NOX4: variants seen among roughly 807,000 people sequenced by gnomAD.
The protein encoded by NOX4 is kidney oxidase-1.
Under a neutral mutation model 87.6 loss-of-function variants are expected in NOX4, and 69 were observed. The ratio of observed to expected loss-of-function variants is 0.79; its 90% CI spans 0.65 to 0.96. NOX4 has a LOEUF of 0.96. NOX4 is among the 40% of genes least tolerant of loss of function. The pLI is 0.00. For missense variants in NOX4, 680 were observed against 681.5 expected, an observed-to-expected ratio of 1.00 and a Z score of 0.02; for synonymous variants, 275 against 238.2, an observed-to-expected ratio of 1.15 and a Z score of -1.42.
At chr11:89,353,304 G>A (rs1937704568) in intron 13 of NOX4, among the ~76,000 whole-genome samples, 1 of 152,134 alleles carries the variant, frequency 6.6e-6, no homozygotes, top group African/African-American at 2.4e-5. Context: ...AACTGATGCA[G>A]CAAACTTCAT....
At chr11:89,488,456 T>C (rs1260302008) in intron 2 of NOX4, among the ~76,000 whole-genome samples, 2 of 152,174 alleles carry the variant, frequency 1.3e-5, no homozygotes, top group Non-Finnish European at 2.9e-5. Context: ...ATCTTAATCA[T>C]ATCTGACTTA....
chr11:89,481,966 T>G (rs1946407908), intron 2 of NOX4, among the ~76,000 whole-genome samples: 1 of 152,084 alleles, frequency 6.6e-6, no homozygotes, highest in Non-Finnish European at 1.5e-5. Flanking sequence ...TACTTCCTTT[T>G]CTGGGAGTCA....
the NOX4 span, among the ~76,000 whole-genome samples, chr11:89,544,446 C>T: frequency 6.6e-6 from 1 of 152,076 alleles, no homozygotes; most frequent in Non-Finnish European, 1.5e-5. Context: ...CAGAACTGAA[C>T]ACTGGCGAGT....
At chr11:89,513,373 C>G in the NOX4 span, among the ~76,000 whole-genome samples, 1 of 151,460 alleles carries the variant, frequency 6.6e-6, no homozygotes, top group Non-Finnish European at 1.5e-5. Context: ...TTTGTCTTAA[C>G]TCACTAGATC....
intron 12 of NOX4, among the ~76,000 whole-genome samples, chr11:89,364,545 T>A (rs1213452344): frequency 1.3e-5 from 2 of 152,004 alleles, no homozygotes; most frequent in East Asian, 1.9e-4. Flanking sequence ...CTGTCTTACA[T>A]AAGGGGAAAA....
chr11:89,434,462 T>C (rs1382358273), intron 6 of NOX4, among the ~76,000 whole-genome samples: 1 of 152,038 alleles, frequency 6.6e-6, no homozygotes, highest in East Asian at 1.9e-4. Context: ...ATTTTTCCAT[T>C]TCCTACAGTG....
chr11:89,353,834 C>T (rs934433205), intron 13 of NOX4, among the ~76,000 whole-genome samples: 2 of 152,164 alleles, frequency 1.3e-5, no homozygotes, highest in Non-Finnish European at 2.9e-5. Flanking sequence ...TCCTTTTAGG[C>T]ACATTCATGC....
intron 12 of NOX4, among the ~76,000 whole-genome samples, chr11:89,363,401 T>C (rs990751736): frequency 2.0e-5 from 3 of 152,110 alleles, no homozygotes; most frequent in Admixed American, 6.6e-5. Flanking sequence ...TAACAAACTT[T>C]TATTGAGTAC....
intron 11 of NOX4, 99 bp downstream of exon 11, chr11:89,399,918 G>C: frequency 2.7e-6 from 2 of 742,656 alleles, no homozygotes; most frequent in Non-Finnish European, 4.5e-6. Flanking sequence ...AGAGTACTAT[G>C]ATAGCCTTGA....
intron 2 of NOX4, among the ~76,000 whole-genome samples, chr11:89,478,964 C>T (rs1198045975): frequency 1.3e-5 from 2 of 151,050 alleles, no homozygotes; most frequent in Non-Finnish European, 2.9e-5. Context: ...ATAGCCACTA[C>T]ACTCCAGCCT....
chr11:89,490,611 T>C (rs753509371), intron 1 of NOX4, 58 bp from the exon 2 acceptor site: 2 of 1,224,074 alleles, frequency 1.6e-6, no homozygotes, highest in East Asian at 4.6e-5. Flanking sequence ...TATTACCTGA[T>C]GAATAGAAAC....
chr11:89,490,387 G>T (rs993338668), intron 2 of NOX4, 71 bp downstream of exon 2: 1 of 1,064,220 alleles, frequency 9.4e-7, no homozygotes, highest in South Asian at 1.3e-5. Flanking sequence ...GAATGGAACT[G>T]ACCAAACCTG....
intron 17 of NOX4, among the ~76,000 whole-genome samples, chr11:89,332,158 C>T (rs1015206000): frequency 2.6e-5 from 4 of 151,542 alleles, no homozygotes; most frequent in African/African-American, 9.7e-5. Context: ...ATAATGAGAA[C>T]TTAATCACCC....
chr11:89,490,976 T>C lies in NOX4; in HGVS notation c.57+214A>G, dbSNP rs1946829520. 8 of 709,504 alleles carry C rather than the reference T, an allele frequency of 1.1e-5. No homozygotes were observed. In the East Asian group the frequency reaches 2.2e-4, roughly 19 times the overall value. 44.0% of individuals were successfully genotyped at this position (709,504 alleles called of 1,614,324 possible). A position where few individuals can be genotyped will look rare whatever the true frequency, so the allele number is the denominator to read the frequency against. ...TCTTCCTCCACATCTCTCCCATCAA[T>C]GTGCAGAAAAATTCTCATGCATTTG... On this transcript the variant is annotated intron_variant, in intron 1 of 17. Coordinates refer to ENST00000263317, the MANE Select transcript of NOX4 (RefSeq NM_016931.5).
chr11:89,386,028 A>T (rs1242950854), intron 11 of NOX4, among the ~76,000 whole-genome samples: 2 of 152,134 alleles, frequency 1.3e-5, no homozygotes, highest in African/African-American at 4.8e-5. Flanking sequence ...AATCTTCAGG[A>T]AAGGTAAAAT....
chr11:89,481,021 C>G (rs1050586276), intron 2 of NOX4, among the ~76,000 whole-genome samples: 1 of 152,006 alleles, frequency 6.6e-6, no homozygotes, highest in African/African-American at 2.4e-5. Context: ...TCCAGAGGAT[C>G]AGGGAGGCAG....
intron 2 of NOX4, among the ~76,000 whole-genome samples, chr11:89,478,245 A>C (rs1946249515): frequency 1.3e-5 from 2 of 152,216 alleles, no homozygotes; most frequent in Admixed American, 1.3e-4. Context: ...TAAACTAAAC[A>C]CAGGTTAACC....
chr11:89,384,532 T>C (rs1191371976), intron 11 of NOX4, among the ~76,000 whole-genome samples: 1 of 152,194 alleles, frequency 6.6e-6, no homozygotes, highest in Non-Finnish European at 1.5e-5. Flanking sequence ...TTCCTAGGCA[T>C]GGTTGGCTAC....
In NOX4 at chr11:89,416,284, G is replaced by A. The variant is rs182736241; in HGVS notation, c.629+5618C>T. On this transcript the variant is annotated intron_variant, in intron 8 of 17. Coordinates refer to ENST00000263317, the MANE Select transcript of NOX4 (RefSeq NM_016931.5). Reference sequence around the variant, plus strand: ...ATTTTCTCCCTCAGTACTAGAATAGGATTGTTTAAAATACAACTTGTGGGC... The same window carrying A: ...ATTTTCTCCCTCAGTACTAGAATAGAATTGTTTAAAATACAACTTGTGGGC... Among the ~76,000 whole-genome samples the A allele has an allele frequency of 1.2e-3, 189 of 152,238 alleles. 2 individuals are homozygous for A. Among genetic ancestry groups the A allele is most frequent in the African/African-American group, 4.3e-3 (180 of 41,554 alleles).
Sources: gnomAD v4.1 joint callset for allele counts (sites outside exome capture counted in the v4.1 genomes callset) on GRCh38, gnomAD v4.1.1 for gene constraint, MANE v1.5 for transcripts, NCBI Gene and HGNC (gene_info 2026-07-23, HGNC 2026-07-21) for gene names.